The following ERCC8 variants were observed in gnomAD, a reference collection of about 807,000 sequenced individuals.
ERCC8 encodes ERCC excision repair 8, CSA ubiquitin ligase complex subunit, also known as DNA excision repair protein ERCC-8.
In ERCC8, 52 loss-of-function variants were observed where a neutral mutation model predicts 54.9. That is an observed-to-expected ratio of 0.95 (90% CI 0.76 to 1.19). The LOEUF is 1.19. Among genes scored for constraint, ERCC8 ranks in the 50% most tolerant of loss-of-function variants. ERCC8 has a pLI of 0.00. For missense variants in ERCC8, 514 were observed against 466.1 expected, an observed-to-expected ratio of 1.10 and a Z score of -0.95; for synonymous variants, 146 against 157.2, an observed-to-expected ratio of 0.93 and a Z score of 0.53.
intron 11 of ERCC8, among the ~76,000 whole-genome samples, chr5:60,881,661 G>C (rs551679231): frequency 1.3e-5 from 2 of 152,126 alleles, no homozygotes; most frequent in East Asian, 1.9e-4. Flanking sequence ...CTCCGAGCCA[G>C]GCGCAGGATA....
chr5:60,883,055 A>G (rs770144236), intron 11 of ERCC8, among the ~76,000 whole-genome samples: 5 of 152,028 alleles, frequency 3.3e-5, no homozygotes, highest in Non-Finnish European at 7.4e-5. Flanking sequence ...TAATCCTACT[A>G]TGGAAGCCCA....
intron 9 of ERCC8, chr5:60,893,522 T>G (rs1748630246): frequency 1.3e-6 from 1 of 781,656 alleles, no homozygotes; most frequent in Admixed American, 1.9e-5. Context: ...TGCAGGCTTC[T>G]TACAGCCCTT....
Position 60,890,995 on chromosome 5 carries a change from T to C in ERCC8, c.935A>G (p.Tyr312Cys), listed in dbSNP as rs1165403915. The C allele has an allele frequency of 1.9e-6, 3 of 1,613,170 alleles. No homozygotes were observed. The Admixed American group carries it at 5.0e-5, about 27-fold the overall frequency. ...TGTATAAACAGCAATGGTGCTACCATATGGTACAAAAACAAATTCTGAACT... is the reference window on the plus strand; with the variant it reads ...TGTATAAACAGCAATGGTGCTACCACATGGTACAAAAACAAATTCTGAACT... ...GCSSEFVFVPYGSTIAVYTVY... is the reference protein window; with the variant it reads ...GCSSEFVFVPCGSTIAVYTVY... The change falls in exon 10 of 12, where the codon TAT becomes TGT. Residue 312 changes from tyrosine to cysteine, a missense_variant. Transcript: ENST00000676185.
rs925430580 is a variant in ERCC8 at position 60,866,526 on chromosome 5, C to T, written c.*8089G>A. The T allele has an allele frequency of 2.0e-5, 3 of 152,034 alleles. No individual in the cohort carries two copies. Among genetic ancestry groups the T allele is most frequent in the Admixed American group, 2.0e-4 (3 of 15,264 alleles). 9.4% of individuals were successfully genotyped at this position (152,034 alleles called of 1,614,324 possible). A position where few individuals can be genotyped will look rare whatever the true frequency, so the allele number is the denominator to read the frequency against. On this transcript the variant is annotated 3_prime_UTR_variant, in exon 12 of 12. Coordinates refer to ENST00000676185, the MANE Select transcript of ERCC8 (RefSeq NM_000082.4). ...TAAGGTGTATTTTATTCCCGTTCTA[C>T]AAATGAATAAACTTGCAAAATCAAA...
intron 11 of ERCC8, among the ~76,000 whole-genome samples, chr5:60,876,727 G>A (rs1160139036): frequency 6.6e-6 from 1 of 151,772 alleles, no homozygotes; most frequent in Admixed American, 6.6e-5. Context: ...TGATGGGGTT[G>A]TTTGTTTTTT....
rs1747804142 is a variant in ERCC8 at position 60,868,742 on chromosome 5, A to G, written c.*5873T>C. Among the ~76,000 whole-genome samples, 1 of 152,182 alleles carries G rather than the reference A, an allele frequency of 6.6e-6. No homozygotes were observed. Among genetic ancestry groups the G allele is most frequent in the Non-Finnish European group, 1.5e-5 (1 of 68,020 alleles). ...CTAGGTAGCACATTAAGAACTACACACATATTCTTTGCAAAGAAGAAAAAA... is the reference window on the plus strand; with the variant it reads ...CTAGGTAGCACATTAAGAACTACACGCATATTCTTTGCAAAGAAGAAAAAA... On this transcript the variant is annotated 3_prime_UTR_variant, in exon 12 of 12. Transcript: ENST00000676185.
At chr5:60,918,433 T>C (rs1749504549) in intron 3 of ERCC8, 45 bp from the exon 4 acceptor site, 2 of 1,563,050 alleles carry the variant, frequency 1.3e-6, no homozygotes, top group Non-Finnish European at 1.8e-6. Flanking sequence ...CTTATGTGAG[T>C]TTCAAAACTG....
At chr5:60,894,522 T>C (rs1479848747) in intron 9 of ERCC8, among the ~76,000 whole-genome samples, 1 of 152,204 alleles carries the variant, frequency 6.6e-6, no homozygotes, top group Non-Finnish European at 1.5e-5. Flanking sequence ...TTTACCTTTA[T>C]ATAAATAATT....
At chr5:60,912,833 G>T (rs983992351) in intron 4 of ERCC8, among the ~76,000 whole-genome samples, 1 of 152,036 alleles carries the variant, frequency 6.6e-6, no homozygotes, top group Admixed American at 6.5e-5. Flanking sequence ...GGCCTTTTCT[G>T]CATCTATTGA....
chr5:60,931,149 A>G (rs1749897783), intron 1 of ERCC8, among the ~76,000 whole-genome samples: 1 of 151,956 alleles, frequency 6.6e-6, no homozygotes. Context: ...TACTCATTGT[A>G]ATAGGTAGTA....
intron 9 of ERCC8, chr5:60,891,925 G>C: frequency 2.0e-6 from 1 of 507,746 alleles, no homozygotes; most frequent in Non-Finnish European, 4.0e-6. Flanking sequence ...AGTGAGATCA[G>C]TCAATTAGTT....
At chr5:60,925,287 A>G (rs1334362853) in intron 2 of ERCC8, among the ~76,000 whole-genome samples, 2 of 151,954 alleles carry the variant, frequency 1.3e-5, no homozygotes, top group Non-Finnish European at 2.9e-5. Context: ...CACCTTTCCA[A>G]TTTTATCGGG....
At chr5:60,883,223 T>C in intron 11 of ERCC8, among the ~76,000 whole-genome samples, 1 of 152,230 alleles carries the variant, frequency 6.6e-6, no homozygotes, top group Admixed American at 6.5e-5. Context: ...TTCAGTGAAA[T>C]AATGATATAT....
chr5:60,917,731 A>C (rs932593663), intron 4 of ERCC8, among the ~76,000 whole-genome samples: 8 of 152,080 alleles, frequency 5.3e-5, no homozygotes, highest in Non-Finnish European at 7.4e-5. Flanking sequence ...GAGACATATC[A>C]GAGTAGAGCT....
chr5:60,922,900 T>C (rs1749640863), intron 2 of ERCC8, among the ~76,000 whole-genome samples: 1 of 152,160 alleles, frequency 6.6e-6, no homozygotes, highest in Admixed American at 6.6e-5. Context: ...TTATTTTTAT[T>C]CTAGTTTGGA....
chr5:60,891,907 G>C, intron 9 of ERCC8: 1 of 482,524 alleles, frequency 2.1e-6, no homozygotes, highest in Non-Finnish European at 4.2e-6. Context: ...TGCTTGGATC[G>C]GAAGGGAAGT....
rs1480347937 is a variant in ERCC8 at position 60,872,860 on chromosome 5, C to T, written c.*1755G>A. Among the ~76,000 whole-genome samples the T allele has an allele frequency of 6.6e-6, 1 of 152,164 alleles. No homozygotes were observed. The highest frequency in any genetic ancestry group is 1.5e-5 in the Non-Finnish European group (1 of 68,024). On this transcript the variant is annotated 3_prime_UTR_variant, in exon 12 of 12. Transcript: ENST00000676185. ...TCAGTATGTCAAAGAGATATCTGCA[C>T]TACCAGGTTCACTGCAGCATTATTC...
intron 11 of ERCC8, among the ~76,000 whole-genome samples, chr5:60,880,844 T>C (rs985713385): frequency 4.6e-5 from 7 of 152,352 alleles, no homozygotes; most frequent in African/African-American, 1.7e-4. Context: ...TTTGATCGTC[T>C]GAAGCCCTTT....
intron 11 of ERCC8, among the ~76,000 whole-genome samples, chr5:60,877,039 C>G (rs868559310): frequency 2.0e-5 from 3 of 152,180 alleles, no homozygotes; most frequent in Admixed American, 6.6e-5. Flanking sequence ...CTTAATCCAT[C>G]TTGAATTGAT....
Sources: allele counts gnomAD v4.1 joint callset (sites outside exome capture counted in the v4.1 genomes callset), GRCh38; gene constraint gnomAD v4.1.1; transcripts MANE v1.5; gene names NCBI Gene and HGNC (gene_info 2026-07-23, HGNC 2026-07-21).